Variants in PSAP observed in about 807,000 individuals in gnomAD.
The protein encoded by PSAP is prosaposin, also known as precursor of saposins.
Under a neutral mutation model 66.0 loss-of-function variants are expected in PSAP, and 25 were observed. That is an observed-to-expected ratio of 0.38 (90% CI 0.28 to 0.53). The LOEUF is 0.53. PSAP is among the 20% of genes least tolerant of loss of function. PSAP has a pLI of 0.83. For synonymous variants in PSAP, 273 were observed against 258.9 expected, an observed-to-expected ratio of 1.05 and a Z score of -0.52; for missense variants, 649 against 668.8, an observed-to-expected ratio of 0.97 and a Z score of 0.33.
intron 1 of PSAP, among the ~76,000 whole-genome samples, chr10:71,849,675 CTCTTTT>C (rs1842889914): frequency 6.6e-6 from 1 of 152,064 alleles, no homozygotes; most frequent in Non-Finnish European, 1.5e-5. Context: ...ACTTTCTTTT[CTCTTTT>C]TCTTTTTTTC....
At position 71,817,316 on chromosome 10, in the gene PSAP, T is replaced by C. The variant is rs1589444647; in HGVS notation, c.*125A>G. On this transcript the variant is annotated 3_prime_UTR_variant, in exon 14 of 14. Coordinates refer to ENST00000394936, the MANE Select transcript of PSAP (RefSeq NM_002778.4). ...AATGCTACAATAAAGGACACAGAAA[T>C]GGGGGAGGTGGGGGAGCCCTATTTT... is the stretch of plus-strand genomic sequence containing the variant. The C allele has an allele frequency of 9.8e-7, 1 of 1,021,354 alleles. No homozygotes were observed. The highest frequency in any genetic ancestry group is 1.3e-5 in the South Asian group (1 of 79,192). 63.3% of individuals were successfully genotyped at this position (1,021,354 alleles called of 1,614,324 possible). A position where few individuals can be genotyped will look rare whatever the true frequency, so the allele number is the denominator to read the frequency against.
intron 5 of PSAP, 129 bp from the exon 6 acceptor site, chr10:71,828,286 C>G (rs1245395927): frequency 1.1e-6 from 1 of 932,696 alleles, no homozygotes; most frequent in African/African-American, 1.6e-5. Context: ...TACAGGCTCT[C>G]AAATTACTGA....
rs562519282 is a variant in PSAP, at chr10:71,818,689, C to G, written c.1467G>C (p.Leu489Phe). The change falls in exon 13 of 14, where the codon TTG becomes TTC. Residue 489 changes from leucine (L) to phenylalanine (F), a missense_variant. Physicochemically the swap from Leu to Phe is conservative, Grantham distance 22. Coordinates refer to ENST00000394936, the MANE Select transcript of PSAP (RefSeq NM_002778.4). The stretch of plus-strand genomic sequence containing the variant: ...CCCATATACACTTCTCAGTTCCCAA[C>G]AAGGGCTTATGGGCCGAGGGGCAGG... ...IGACPSAHKP[L>F]LGTEKCIWGP... 2 of 1,614,050 alleles carry G rather than the reference C, an allele frequency of 1.2e-6. No individual in the cohort carries two copies. Among genetic ancestry groups the G allele is most frequent in the African/African-American group, 1.3e-5 (1 of 74,900 alleles).
chr10:71,836,819 A>G (rs1842636272), intron 1 of PSAP, among the ~76,000 whole-genome samples: 2 of 152,246 alleles, frequency 1.3e-5, no homozygotes, highest in South Asian at 2.1e-4. Flanking sequence ...ACACTCTCAC[A>G]GGCCCATGTG....
intron 2 of PSAP, 30 bp downstream of exon 2, chr10:71,834,342 C>A: frequency 6.2e-7 from 1 of 1,612,498 alleles, no homozygotes; most frequent in East Asian, 2.2e-5. Flanking sequence ...AGGAGTGCTG[C>A]GGCTGGGACT....
chr10:71,839,950 G>C (rs1003738578), intron 1 of PSAP, among the ~76,000 whole-genome samples: 1 of 152,096 alleles, frequency 6.6e-6, no homozygotes, highest in South Asian at 2.1e-4. Context: ...CAACGACCTC[G>C]CTTACAGAAA....
chr10:71,819,851 G>A lies in PSAP; in HGVS notation c.1055C>T (p.Ser352Phe), dbSNP rs1188832025. 1.9e-6 allele frequency: 3 copies of A among 1,614,176 alleles called. No homozygotes were observed. The highest frequency in any genetic ancestry group is 2.2e-5 in the East Asian group (1 of 44,874). The stretch of plus-strand genomic sequence containing the variant: ...CACCTCCTGGCACTCTTCCGACAGG[G>A]ACTTCGGCAGCTTCGAGCACATTTT... ...FDKMCSKLPKSLSEECQEVVD... is the reference protein window; with the variant it reads ...FDKMCSKLPKFLSEECQEVVD... The change falls in exon 10 of 14, where the codon TCC becomes TTC. Residue 352 changes from serine to phenylalanine, a missense_variant. Transcript: ENST00000394936.
intron 1 of PSAP, among the ~76,000 whole-genome samples, chr10:71,839,241 CT>C (rs1159356590): frequency 6.0e-5 from 9 of 149,750 alleles, no homozygotes; most frequent in Non-Finnish European, 7.4e-5. Flanking sequence ...ACAACGGGCT[CT>C]TTTTTTTTTC....
intron 9 of PSAP, among the ~76,000 whole-genome samples, 165 bp from the exon 10 acceptor site, chr10:71,820,065 G>A (rs1240421713): frequency 1.3e-5 from 2 of 151,856 alleles, no homozygotes; most frequent in African/African-American, 2.4e-5. Flanking sequence ...CCACCTCCCC[G>A]GACCCCCGCC....
At position 71,825,873 on chromosome 10, in the gene PSAP, C is replaced by T. The variant is rs202069470; in HGVS notation, c.741G>A (p.Gln247=). ...TCATCTGGATAGCAATTTCAGAATA[C>T]TGGCTGATATAGTTCTTGCACTGAG... ...MADICKNYIS[Q]YSEIAIQMMM... The change falls in exon 7 of 14, where the codon CAG becomes CAA. Residue 247 remains glutamine, a synonymous_variant. Transcript: ENST00000394936. 1.9e-6 allele frequency: 3 copies of T among 1,613,712 alleles called. No homozygotes were observed. In the South Asian group the frequency reaches 3.3e-5, roughly 18 times the overall value.
chr10:71,827,982 A>G (rs747968553), intron 6 of PSAP, 32 bp downstream of exon 6: 1 of 1,613,838 alleles, frequency 6.2e-7, no homozygotes, highest in Non-Finnish European at 8.5e-7. Context: ...CAGGCCCAGA[A>G]CATCCCCAAT....
At chr10:71,840,944 C>T (rs892182735) in intron 1 of PSAP, among the ~76,000 whole-genome samples, 1 of 152,222 alleles carries the variant, frequency 6.6e-6, no homozygotes, top group African/African-American at 2.4e-5. Context: ...TTCAAGGGTA[C>T]TGTAGTCCAA....
chr10:71,827,153 T>C (rs760087039), intron 6 of PSAP, among the ~76,000 whole-genome samples: 1 of 151,722 alleles, frequency 6.6e-6, no homozygotes, highest in Non-Finnish European at 1.5e-5. Flanking sequence ...TCCCAGCACT[T>C]TGGGAGGCCG....
intron 1 of PSAP, among the ~76,000 whole-genome samples, chr10:71,840,893 TG>T (rs11285654): frequency 0.087 from 13,205 of 152,250 alleles, 767 homozygotes; most frequent in African/African-American, 0.16. Context: ...TTGTATGCAA[TG>T]GAGGCTTAAT....
At chr10:71,817,838 C>T (rs1027980360) in intron 13 of PSAP, among the ~76,000 whole-genome samples, 5 of 152,230 alleles carry the variant, frequency 3.3e-5, no homozygotes, top group Non-Finnish European at 7.3e-5. Flanking sequence ...AGTTAGGCTA[C>T]ACACCAGCTC....
chr10:71,819,870 A>G lies in PSAP; in HGVS notation c.1036T>C (p.Cys346Arg). Reference protein sequence around the residue: ...KEILDAFDKMCSKLPKSLSEE... With the variant: ...KEILDAFDKMRSKLPKSLSEE... ...GACAGGGACTTCGGCAGCTTCGAGC[A>G]CATTTTGTCAAAAGCGTCGAGTATT... The change falls in exon 10 of 14, where the codon TGC becomes CGC. Residue 346 changes from cysteine (C) to arginine (R), a missense_variant. Physicochemically the swap from Cys to Arg is radical, Grantham distance 180. Transcript: ENST00000394936. 1 of 1,614,156 alleles carries G rather than the reference A, an allele frequency of 6.2e-7. No individual in the cohort carries two copies. The highest frequency in any genetic ancestry group is 8.5e-7 in the Non-Finnish European group (1 of 1,180,026).
chr10:71,840,459 T>C (rs1393401007), intron 1 of PSAP, among the ~76,000 whole-genome samples: 1 of 152,232 alleles, frequency 6.6e-6, no homozygotes, highest in Non-Finnish European at 1.5e-5. Flanking sequence ...ACAAATATCT[T>C]CTATGGCAAA....
chr10:71,829,713 A>G (rs1226567833), intron 4 of PSAP, among the ~76,000 whole-genome samples: 1 of 152,152 alleles, frequency 6.6e-6, no homozygotes, highest in African/African-American at 2.4e-5. Flanking sequence ...TTAAAGGAAC[A>G]GGAGGCCAGG....
intron 1 of PSAP, among the ~76,000 whole-genome samples, chr10:71,834,772 G>A (rs1842589636): frequency 6.6e-6 from 1 of 152,184 alleles, no homozygotes; most frequent in African/African-American, 2.4e-5. Context: ...GGGAGTATCA[G>A]AACTTTAACC....
Sources: gnomAD v4.1 joint callset for allele counts (sites outside exome capture counted in the v4.1 genomes callset) on GRCh38, gnomAD v4.1.1 for gene constraint, MANE v1.5 for transcripts, NCBI Gene and HGNC (gene_info 2026-07-23, HGNC 2026-07-21) for gene names.